The following CDH18 variants were observed in gnomAD, a reference collection of about 807,000 sequenced individuals.
The protein encoded by CDH18 is cadherin-18.
Under a neutral mutation model 67.9 loss-of-function variants are expected in CDH18, and 31 were observed. The observed-to-expected ratio is 0.46, with a 90% CI of 0.34 to 0.62. The LOEUF is 0.62. Among genes scored for constraint, CDH18 ranks in the 20% least tolerant of loss-of-function variants. The probability of loss-of-function intolerance (pLI) is 0.01; values close to 1 mark genes in which losing one functional copy is unlikely to be tolerated. For synonymous variants in CDH18, 362 were observed against 347.2 expected, an observed-to-expected ratio of 1.04 and a Z score of -0.48; for missense variants, 890 against 975.5, an observed-to-expected ratio of 0.91 and a Z score of 1.17.
chr5:19,858,709 A>G (rs564721912), intron 2 of CDH18, among the ~76,000 whole-genome samples: 2 of 152,304 alleles, frequency 1.3e-5, no homozygotes, highest in South Asian at 4.1e-4. Context: ...AAACTGGAAA[A>G]TGTTCTTGCA....
At chr5:19,708,902 T>C (rs1249621105) in intron 5 of CDH18, among the ~76,000 whole-genome samples, 1 of 152,072 alleles carries the variant, frequency 6.6e-6, no homozygotes, top group Non-Finnish European at 1.5e-5. Flanking sequence ...TTAATTCCTC[T>C]AGCACCACTG....
intron 5 of CDH18, among the ~76,000 whole-genome samples, chr5:19,708,457 G>C (rs891721043): frequency 6.6e-6 from 1 of 152,118 alleles, no homozygotes; most frequent in South Asian, 2.1e-4. Context: ...AAAAAAAAGG[G>C]GGGGACATGT....
rs1001223792 is a variant in CDH18 at position 20,379,145 on chromosome 5, A to C, written c.-579-123640T>G. The stretch of plus-strand genomic sequence containing the variant: ...AAAATAATCTAATGTTAATGTCTTG[A>C]ATAAAACACAAAGAGAAACCATAAA... On this transcript the variant is annotated intron_variant, in intron 1 of 14. Transcript: ENST00000507958. Among the ~76,000 whole-genome samples the C allele has an allele frequency of 1.6e-4, 25 of 152,190 alleles. 1 individual carries two copies. The highest frequency in any genetic ancestry group is 7.2e-5 in the African/African-American group (3 of 41,454).
At chr5:20,197,564 C>A (rs1206399992) in intron 2 of CDH18, among the ~76,000 whole-genome samples, 2 of 152,138 alleles carry the variant, frequency 1.3e-5, no homozygotes, top group Non-Finnish European at 2.9e-5. Flanking sequence ...AGTTTCCTTG[C>A]ACAAATACCA....
intron 2 of CDH18, among the ~76,000 whole-genome samples, chr5:20,105,682 G>A (rs959559945): frequency 3.3e-5 from 5 of 152,042 alleles, no homozygotes; most frequent in African/African-American, 4.8e-5. Context: ...ATTCTTTCAC[G>A]TCTGGCTTAT....
intron 2 of CDH18, among the ~76,000 whole-genome samples, chr5:19,846,061 T>A (rs1046518606): frequency 6.6e-6 from 1 of 152,058 alleles, no homozygotes; most frequent in Admixed American, 6.6e-5. Context: ...TTTCTGTCTA[T>A]CTTGTAGCTA....
At chr5:20,250,292 TTTTA>T (rs1384895778) in intron 2 of CDH18, among the ~76,000 whole-genome samples, 2 of 151,698 alleles carry the variant, frequency 1.3e-5, no homozygotes, top group African/African-American at 4.8e-5. Flanking sequence ...TTTTTTTTTA[TTTTA>T]TTTATTTATT....
chr5:20,496,308 G>A (rs924928534), intron 1 of CDH18, among the ~76,000 whole-genome samples: 7 of 152,036 alleles, frequency 4.6e-5, no homozygotes, highest in African/African-American at 7.2e-5. Context: ...TCATGTTTTC[G>A]TTTAAAGGGT....
intron 12 of CDH18, among the ~76,000 whole-genome samples, chr5:19,481,194 CT>C (rs1739360473): frequency 6.6e-6 from 1 of 152,148 alleles, no homozygotes; most frequent in Non-Finnish European, 1.5e-5. Context: ...TAGTTTCTCA[CT>C]GTGTAATCCC....
At chr5:19,670,179 T>C (rs770803902) in intron 5 of CDH18, among the ~76,000 whole-genome samples, 1 of 152,122 alleles carries the variant, frequency 6.6e-6, no homozygotes, top group Non-Finnish European at 1.5e-5. Flanking sequence ...AAGGCTTATA[T>C]TGGTAACTCT....
intron 1 of CDH18, among the ~76,000 whole-genome samples, chr5:20,388,063 A>T (rs1244513962): frequency 6.6e-6 from 1 of 152,154 alleles, no homozygotes; most frequent in Admixed American, 6.6e-5. Flanking sequence ...CTTTGGTATC[A>T]GGATGATGCT....
intron 2 of CDH18, among the ~76,000 whole-genome samples, chr5:20,102,285 C>T (rs931322019): frequency 6.6e-6 from 1 of 151,194 alleles, no homozygotes; most frequent in African/African-American, 2.4e-5. Context: ...GAGGAATGTA[C>T]TTACGGAAGT....
At chr5:19,584,791 T>TATAAAAAA (rs1477587118) in intron 7 of CDH18, among the ~76,000 whole-genome samples, 1 of 4,636 alleles carries the variant, frequency 2.2e-4, no homozygotes, top group Non-Finnish European at 5.9e-4. Flanking sequence ...CTACTAAAAA[T>TATAAAAAA]ACAAAAAAAA....
At chr5:20,080,374 T>C (rs1744347068) in intron 2 of CDH18, among the ~76,000 whole-genome samples, 1 of 152,160 alleles carries the variant, frequency 6.6e-6, no homozygotes, top group African/African-American at 2.4e-5. Flanking sequence ...CAAATTATAT[T>C]ATGATAATTC....
chr5:20,042,170 T>C (rs1740484859), intron 2 of CDH18, among the ~76,000 whole-genome samples: 1 of 152,180 alleles, frequency 6.6e-6, no homozygotes, highest in African/African-American at 2.4e-5. Context: ...TCATGCAAGA[T>C]GAGGAGTAGC....
At chr5:19,973,845 T>C (rs531454594) in intron 2 of CDH18, among the ~76,000 whole-genome samples, 14 of 152,126 alleles carry the variant, frequency 9.2e-5, no homozygotes, top group African/African-American at 3.4e-4. Context: ...TTTGAGGTGA[T>C]GGCAAGAATT....
intron 2 of CDH18, among the ~76,000 whole-genome samples, chr5:20,034,504 G>A (rs1463726895): frequency 2.6e-5 from 4 of 151,998 alleles, no homozygotes; most frequent in Non-Finnish European, 5.9e-5. Context: ...ATTTATGGCT[G>A]AGATTAACAT....
intron 2 of CDH18, among the ~76,000 whole-genome samples, chr5:20,142,990 G>C (rs546869172): frequency 2.6e-5 from 4 of 152,304 alleles, no homozygotes; most frequent in African/African-American, 7.2e-5. Context: ...TATAGAGGTA[G>C]TTTGGGATTG....
At chr5:19,741,107 T>TAC (rs1441769105) in intron 4 of CDH18, among the ~76,000 whole-genome samples, 3 of 146,682 alleles carry the variant, frequency 2.0e-5, no homozygotes, top group Non-Finnish European at 3.0e-5. Flanking sequence ...CGTATATATA[T>TAC]ACTTATCTAT....
Sources: allele counts gnomAD v4.1 joint callset (sites outside exome capture counted in the v4.1 genomes callset), GRCh38; gene constraint gnomAD v4.1.1; transcripts MANE v1.5; gene names NCBI Gene and HGNC (gene_info 2026-07-23, HGNC 2026-07-21).